NELL1: variants seen among roughly 807,000 people sequenced by gnomAD.
The protein encoded by NELL1 is protein kinase C-binding protein NELL1.
Under a neutral mutation model 107.4 loss-of-function variants are expected in NELL1, and 76 were observed. That is an observed-to-expected ratio of 0.71 (90% CI 0.59 to 0.86). The LOEUF (loss-of-function observed/expected upper bound fraction) is 0.86, where lower values mean the gene tolerates loss of function less well. NELL1 is among the 40% of genes least tolerant of loss of function. The probability of loss-of-function intolerance (pLI) is 0.00; values close to 1 mark genes in which losing one functional copy is unlikely to be tolerated. For missense variants in NELL1, 1,024 were observed against 1,005.5 expected, an observed-to-expected ratio of 1.02 and a Z score of -0.25; for synonymous variants, 353 against 341.2, an observed-to-expected ratio of 1.03 and a Z score of -0.38.
At chr11:21,480,324 GTC>G (rs1296702597) in intron 15 of NELL1, among the ~76,000 whole-genome samples, 1 of 152,120 alleles carries the variant, frequency 6.6e-6, no homozygotes, top group Non-Finnish European at 1.5e-5. Flanking sequence ...CCCACAAATT[GTC>G]TCTCTGTTCT....
At position 21,003,992 on chromosome 11, in the gene NELL1, T is replaced by G. The variant is rs1852277981; in HGVS notation, c.1300+43432T>G. Among the ~76,000 whole-genome samples, 4 of 152,228 alleles carry G rather than the reference T, an allele frequency of 2.6e-5. No homozygotes were observed. The South Asian group carries it at 8.3e-4, about 32-fold the overall frequency. On this transcript the variant is annotated intron_variant, in intron 12 of 19. Transcript: ENST00000357134. ...GGACTCATACAGATTTTCTTGCACT[T>G]TCCATTGCCCTTGAATCTCTTCCTC...
intron 2 of NELL1, among the ~76,000 whole-genome samples, chr11:20,729,690 A>G (rs1204604111): frequency 6.6e-6 from 1 of 152,030 alleles, no homozygotes; most frequent in Non-Finnish European, 1.5e-5. Context: ...CCATTCATCC[A>G]CTCACCTATC....
intron 12 of NELL1, among the ~76,000 whole-genome samples, chr11:21,050,742 T>C (rs1853472243): frequency 6.6e-6 from 1 of 152,116 alleles, no homozygotes; most frequent in African/African-American, 2.4e-5. Flanking sequence ...GGGACTTAGT[T>C]TTCTCATCTG....
At chr11:20,729,518 G>T (rs149607378) in intron 2 of NELL1, among the ~76,000 whole-genome samples, 159 of 151,286 alleles carry the variant, frequency 1.1e-3, no homozygotes, top group African/African-American at 3.7e-3. Context: ...TATCATAAAG[G>T]GATGTTGGAT....
At chr11:20,928,114 A>G (rs1168262496) in intron 8 of NELL1, among the ~76,000 whole-genome samples, 2 of 152,150 alleles carry the variant, frequency 1.3e-5, no homozygotes, top group African/African-American at 4.8e-5. Context: ...ATAAAAATAG[A>G]CTTTTTGTTT....
intron 13 of NELL1, among the ~76,000 whole-genome samples, chr11:21,146,290 C>T (rs1855977333): frequency 6.6e-6 from 1 of 151,792 alleles, no homozygotes; most frequent in Non-Finnish European, 1.5e-5. Flanking sequence ...TAAAGGGCCA[C>T]TTACAGAGGC....
At chr11:21,314,760 T>C (rs1008985050) in intron 14 of NELL1, among the ~76,000 whole-genome samples, 4 of 152,128 alleles carry the variant, frequency 2.6e-5, no homozygotes, top group Non-Finnish European at 5.9e-5. Context: ...TGGGAAGCCA[T>C]TGAAGTGGTT....
rs1850525082 is a variant in NELL1 at position 20,927,449 on chromosome 11, C to A, written c.894+7C>A. 1 of 1,605,546 alleles carries A rather than the reference C, an allele frequency of 6.2e-7. No homozygotes were observed. The highest frequency in any genetic ancestry group is 8.5e-7 in the Non-Finnish European group (1 of 1,178,168). Reference sequence around the variant, plus strand: ...CAGGAACTGCACTTGCAAAGTAAGCCTCTTTGTAAATAAATACAGTAAAAA... The same window carrying A: ...CAGGAACTGCACTTGCAAAGTAAGCATCTTTGTAAATAAATACAGTAAAAA... On this transcript the variant is annotated splice_region_variant and intron_variant, in intron 8 of 19. Transcript: ENST00000357134.
chr11:21,331,052 C>T (rs953644730), intron 14 of NELL1, among the ~76,000 whole-genome samples: 1 of 152,006 alleles, frequency 6.6e-6, no homozygotes, highest in Non-Finnish European at 1.5e-5. Context: ...TGCAGAATTT[C>T]CATTAGATTC....
intron 12 of NELL1, among the ~76,000 whole-genome samples, chr11:20,964,445 C>T (rs1851350904): frequency 6.6e-6 from 1 of 152,166 alleles, no homozygotes; most frequent in Non-Finnish European, 1.5e-5. Context: ...CTTTTACTTG[C>T]AGAGTGTTTT....
At chr11:20,927,055 G>T (rs558663383) in intron 7 of NELL1, 68 of 407,946 alleles carry the variant, frequency 1.7e-4, no homozygotes, top group Non-Finnish European at 2.7e-4. Flanking sequence ...CACCCATGAG[G>T]TTCCTGAGTT....
At chr11:20,671,475 A>C (rs1025521081) in intron 1 of NELL1, among the ~76,000 whole-genome samples, 1 of 152,222 alleles carries the variant, frequency 6.6e-6, no homozygotes, top group Non-Finnish European at 1.5e-5. Context: ...TCCTTTGAAA[A>C]GTCGCCAAAG....
intron 2 of NELL1, among the ~76,000 whole-genome samples, chr11:20,750,140 T>G (rs910140299): frequency 6.6e-6 from 1 of 152,162 alleles, no homozygotes; most frequent in Non-Finnish European, 1.5e-5. Flanking sequence ...CAAACGTATA[T>G]TTAGTATTAT....
chr11:21,206,032 GA>G (rs1451846473), intron 13 of NELL1, among the ~76,000 whole-genome samples: 1 of 152,082 alleles, frequency 6.6e-6, no homozygotes, highest in East Asian at 1.9e-4. Flanking sequence ...TTTATGGTGT[GA>G]AAAATTATAC....
intron 12 of NELL1, among the ~76,000 whole-genome samples, chr11:20,979,247 T>TTA (rs1851701172): frequency 6.6e-6 from 1 of 152,158 alleles, no homozygotes; most frequent in Admixed American, 6.5e-5. Flanking sequence ...TGACTTTTTT[T>TTA]TAGAAATGAA....
chr11:21,330,145 G>T (rs960769944), intron 14 of NELL1, among the ~76,000 whole-genome samples: 7 of 151,856 alleles, frequency 4.6e-5, no homozygotes, highest in African/African-American at 1.7e-4. Flanking sequence ...TGTGTGGCAA[G>T]TATAAATATT....
intron 15 of NELL1, among the ~76,000 whole-genome samples, chr11:21,520,061 C>T (rs1855679329): frequency 1.3e-5 from 2 of 152,256 alleles, no homozygotes; most frequent in African/African-American, 4.8e-5. Context: ...GGAAGGTGCC[C>T]TTTAGACAGA....
At position 20,960,498 on chromosome 11, in the gene NELL1, A is replaced by G; in HGVS notation, c.1238A>G (p.Lys413Arg). ...ENSECKNWNT[K>R]ATCECKSGYI... The stretch of plus-strand genomic sequence containing the variant: ...TCAGAGTGCAAAAACTGGAATACAA[A>G]AGCTACTTGTGAGTGCAAGAGTGGT... Residue 413 changes from lysine (K) to arginine (R), a missense_variant, in exon 12 of 20, where the codon AAA becomes AGA. By Grantham distance (26) the Lys-to-Arg change is conservative. Transcript: ENST00000357134. The G allele has an allele frequency of 6.2e-7, 1 of 1,614,016 alleles. No homozygotes were observed. The highest frequency in any genetic ancestry group is 1.6e-4 in the Middle Eastern group (1 of 6,062).
At chr11:21,160,768 A>T (rs752935862) in intron 13 of NELL1, among the ~76,000 whole-genome samples, 11 of 152,218 alleles carry the variant, frequency 7.2e-5, no homozygotes, top group Admixed American at 1.3e-4. Context: ...AAGGAAACTT[A>T]TACATTACTA....
Sources: allele counts gnomAD v4.1 joint callset (sites outside exome capture counted in the v4.1 genomes callset), GRCh38; gene constraint gnomAD v4.1.1; transcripts MANE v1.5; gene names NCBI Gene and HGNC (gene_info 2026-07-23, HGNC 2026-07-21).